The following COL19A1 variants were observed in gnomAD, a reference collection of about 807,000 sequenced individuals.
COL19A1 encodes the protein collagen alpha-1(XIX) chain.
Under a neutral mutation model 190.2 loss-of-function variants are expected in COL19A1, and 159 were observed. That is an observed-to-expected ratio of 0.84 (90% confidence interval 0.73 to 0.95). The LOEUF is 0.95. COL19A1 is among the 40% of genes least tolerant of loss of function. COL19A1 has a pLI of 0.00. For missense variants in COL19A1, 1,418 were observed against 1,431.9 expected (o/e 0.99, Z 0.16); for synonymous variants, 509 against 458.9 (o/e 1.11, Z -1.39).
At chr6:70,199,763 T>C in intron 49 of COL19A1, 27 bp downstream of exon 49, 2 of 1,572,148 alleles carry the variant, frequency 1.3e-6, no homozygotes, top group Non-Finnish European at 1.7e-6. Context: ...AATATTGGCT[T>C]ATTGATTTTT....
chr6:70,157,602 T>A (rs2150254305), intron 34 of COL19A1, among the ~76,000 whole-genome samples: 1 of 152,274 alleles, frequency 6.6e-6, no homozygotes, highest in African/African-American at 2.4e-5. Context: ...TAATATTGCT[T>A]GTAATCTAGA....
At position 69,879,560 on chromosome 6, in the gene COL19A1, A is replaced by C. The variant is rs1273602391; in HGVS notation, c.-8A>C. The C allele has an allele frequency of 1.2e-6, 2 of 1,613,440 alleles. No individual in the cohort carries two copies. The highest frequency in any genetic ancestry group is 3.3e-5 in the Admixed American group (2 of 59,958). ...GATCCGTGGCCGTTCACATGGTTTCAAGGCACAATGAGACTCACTGGCCCT... is the reference window on the plus strand; with the variant it reads ...GATCCGTGGCCGTTCACATGGTTTCCAGGCACAATGAGACTCACTGGCCCT... On this transcript the variant is annotated 5_prime_UTR_variant, in exon 2 of 51. Transcript: ENST00000620364.
At chr6:69,942,244 A>G (rs555692454) in intron 9 of COL19A1, among the ~76,000 whole-genome samples, 1 of 152,282 alleles carries the variant, frequency 6.6e-6, no homozygotes, top group East Asian at 1.9e-4. Flanking sequence ...TAATATGTTA[A>G]TTGACATAAC....
chr6:69,893,819 C>T (rs1769530696), intron 2 of COL19A1, among the ~76,000 whole-genome samples: 1 of 152,134 alleles, frequency 6.6e-6, no homozygotes, highest in Non-Finnish European at 1.5e-5. Flanking sequence ...TGAGAGATTC[C>T]TCTGCACAAT....
At chr6:69,893,111 T>G (rs895400933) in intron 2 of COL19A1, among the ~76,000 whole-genome samples, 2 of 152,216 alleles carry the variant, frequency 1.3e-5, no homozygotes, top group African/African-American at 2.4e-5. Flanking sequence ...ATCAGCAATA[T>G]TCCAACCAAA....
intron 14 of COL19A1, among the ~76,000 whole-genome samples, chr6:70,054,187 T>G (rs535045393): frequency 6.6e-6 from 1 of 152,130 alleles, no homozygotes; most frequent in African/African-American, 2.4e-5. Context: ...CCGTCTCTAC[T>G]AAAAACACAA....
At chr6:70,038,235 G>A (rs1378198327) in intron 14 of COL19A1, among the ~76,000 whole-genome samples, 2 of 152,206 alleles carry the variant, frequency 1.3e-5, no homozygotes, top group South Asian at 4.1e-4. Flanking sequence ...CTCAAAACTA[G>A]CTCCACGCTA....
intron 4 of COL19A1, among the ~76,000 whole-genome samples, chr6:69,920,636 T>TTATA (rs1384972382): frequency 3.9e-5 from 6 of 152,014 alleles, no homozygotes; most frequent in African/African-American, 1.4e-4. Flanking sequence ...AATATTGATT[T>TTATA]TATATTGAAC....
At chr6:69,885,816 T>G (rs1768885638) in intron 2 of COL19A1, among the ~76,000 whole-genome samples, 1 of 152,236 alleles carries the variant, frequency 6.6e-6, no homozygotes, top group Non-Finnish European at 1.5e-5. Flanking sequence ...TTTTCTTTTT[T>G]TAAGGCTGAA....
chr6:69,949,746 C>T (rs1181108603), intron 9 of COL19A1, among the ~76,000 whole-genome samples: 1 of 151,798 alleles, frequency 6.6e-6, no homozygotes, highest in Admixed American at 6.6e-5. Context: ...TCCAGCATCC[C>T]CTTAACTTTG....
At chr6:70,152,375 C>T (rs1463284857) in intron 31 of COL19A1, among the ~76,000 whole-genome samples, 1 of 151,960 alleles carries the variant, frequency 6.6e-6, no homozygotes, top group African/African-American at 2.4e-5. Context: ...ATTCAAAAGA[C>T]TCGAGTTCCG....
rs1768137200 is a variant in COL19A1, at chr6:70,210,692, ATT to A, written c.*3420_*3421del. On this transcript the variant is annotated 3_prime_UTR_variant, in exon 51 of 51. Coordinates refer to ENST00000620364, the MANE Select transcript of COL19A1 (RefSeq NM_001858.6). ...TGTCCACAAGATGGTGTTTAAAACA[ATT>A]TGTTCAGAAGAACTGAGCAAACTAA... is the stretch of plus-strand genomic sequence containing the variant. Among the ~76,000 whole-genome samples the A allele has an allele frequency of 6.6e-6, 1 of 152,182 alleles. No homozygotes were observed. The highest frequency in any genetic ancestry group is 2.4e-5 in the African/African-American group (1 of 41,456).
chr6:70,009,798 A>G (rs1777874250), intron 11 of COL19A1, among the ~76,000 whole-genome samples: 1 of 152,180 alleles, frequency 6.6e-6, no homozygotes, highest in Non-Finnish European at 1.5e-5. Flanking sequence ...ATCTAGACAA[A>G]TGGCTTTCAA....
intron 46 of COL19A1, 74 bp downstream of exon 46, chr6:70,184,989 T>C (rs768489994): frequency 4.8e-6 from 7 of 1,445,322 alleles, no homozygotes; most frequent in South Asian, 1.3e-5. Flanking sequence ...GTTACACAAT[T>C]ATGTGTGTAG....
intron 4 of COL19A1, among the ~76,000 whole-genome samples, chr6:69,922,228 C>T (rs1772020873): frequency 1.3e-5 from 2 of 151,328 alleles, no homozygotes; most frequent in African/African-American, 2.4e-5. Flanking sequence ...CTTGAAAGCA[C>T]AATATAAATT....
At chr6:70,059,042 A>C (rs1457132192) in intron 14 of COL19A1, among the ~76,000 whole-genome samples, 2 of 152,084 alleles carry the variant, frequency 1.3e-5, no homozygotes, top group African/African-American at 4.8e-5. Flanking sequence ...TTCTGTAAAA[A>C]CAGATAAATT....
intron 48 of COL19A1, among the ~76,000 whole-genome samples, chr6:70,190,761 C>G (rs951361058): frequency 6.6e-6 from 1 of 152,150 alleles, no homozygotes; most frequent in Non-Finnish European, 1.5e-5. Context: ...ATAAATGACT[C>G]TCATTTACCA....
At position 69,927,876 on chromosome 6, in the gene COL19A1, T is replaced by C. The variant is rs768281806; in HGVS notation, c.267-33T>C. On this transcript the variant is annotated intron_variant, in intron 4 of 50. Coordinates refer to ENST00000620364, the MANE Select transcript of COL19A1 (RefSeq NM_001858.6). Reference sequence around the variant, plus strand: ...TTTTATTTTCTTGCAATCTCCAGTTTCCCCACAAAAGTTCTTTGTTTTCCT... The same window carrying C: ...TTTTATTTTCTTGCAATCTCCAGTTCCCCCACAAAAGTTCTTTGTTTTCCT... The C allele has an allele frequency of 5.1e-6, 8 of 1,577,250 alleles. No individual in the cohort carries two copies. In the Admixed American group the frequency reaches 1.4e-4, roughly 28 times the overall value.
chr6:70,090,592 A>G (rs1782858235), intron 15 of COL19A1, among the ~76,000 whole-genome samples: 1 of 152,178 alleles, frequency 6.6e-6, no homozygotes, highest in South Asian at 2.1e-4. Flanking sequence ...CACACCTGTA[A>G]GGAAGTGTTA....
Sources: allele counts gnomAD v4.1 joint callset (sites outside exome capture counted in the v4.1 genomes callset), GRCh38; gene constraint gnomAD v4.1.1; transcripts MANE v1.5; gene names NCBI Gene and HGNC (gene_info 2026-07-23, HGNC 2026-07-21).